Variants in FBN2 observed in about 807,000 individuals in gnomAD.
FBN2 encodes fibrillin-2.
A neutral mutation model predicts 355.6 loss-of-function variants in FBN2; 105 were observed. The ratio of observed to expected loss-of-function variants is 0.30; its 90% confidence interval spans 0.25 to 0.35. The LOEUF (loss-of-function observed/expected upper bound fraction) is 0.35. Ranked by LOEUF, FBN2 falls within the 10% of genes least tolerant of loss-of-function variation. FBN2 has a pLI of 1.00. For synonymous variants in FBN2, 1,350 were observed against 1,301.2 expected (o/e 1.04, Z -0.81); for missense variants, 3,280 against 3,758.7 (o/e 0.87, Z 3.33).
At chr5:128,373,195 C>T (rs1291006649) in intron 15 of FBN2, among the ~76,000 whole-genome samples, 1 of 152,096 alleles carries the variant, frequency 6.6e-6, no homozygotes, top group African/African-American at 2.4e-5. Flanking sequence ...ATGTTGGTTA[C>T]TTAAGAGAAA....
chr5:128,528,879 C>T (rs1476670455), intron 3 of FBN2, among the ~76,000 whole-genome samples: 1 of 152,168 alleles, frequency 6.6e-6, no homozygotes, highest in Non-Finnish European at 1.5e-5. Flanking sequence ...GGATAGCTTA[C>T]ACCACATGGT....
chr5:128,331,209 A>C (rs1337380373), intron 32 of FBN2, among the ~76,000 whole-genome samples: 1 of 152,232 alleles, frequency 6.6e-6, no homozygotes, highest in Non-Finnish European at 1.5e-5. Flanking sequence ...AAAAGTTACA[A>C]GGTGCCATGA....
chr5:128,318,028 G>T, intron 36 of FBN2, 121 bp downstream of exon 36: 1 of 1,038,010 alleles, frequency 9.6e-7, no homozygotes, highest in Non-Finnish European at 1.5e-6. Flanking sequence ...CAATAAAGGC[G>T]ACCACATAAT....
In FBN2 at chr5:128,291,146, G is replaced by A. The variant is rs113745471; in HGVS notation, c.6293-262C>T. On this transcript the variant is annotated intron_variant, in intron 49 of 64. Coordinates refer to ENST00000262464, the MANE Select transcript of FBN2 (RefSeq NM_001999.4). ...AGTATCAAAGTGATTTCCACACAGAGTCTCTTTTTTCACTGTTGCATGATA... is the reference window on the plus strand; with the variant it reads ...AGTATCAAAGTGATTTCCACACAGAATCTCTTTTTTCACTGTTGCATGATA... Among the ~76,000 whole-genome samples the A allele has an allele frequency of 9.2e-5, 14 of 152,194 alleles. No individual in the cohort carries two copies. The East Asian group carries it at 2.7e-3, about 29-fold the overall frequency.
chr5:128,309,441 G>A (rs563793918), intron 40 of FBN2, 42 bp from the exon 41 acceptor site: 14 of 1,579,796 alleles, frequency 8.9e-6, no homozygotes, highest in Admixed American at 3.3e-5. Flanking sequence ...TTGTATCCAC[G>A]AGTAGTTTAT....
In FBN2 at chr5:128,263,553, C is replaced by T. The variant is rs751485739; in HGVS notation, c.8064G>A (p.Gln2688=). 11 of 1,613,990 alleles carry T rather than the reference C, an allele frequency of 6.8e-6. No homozygotes were observed. The highest frequency in any genetic ancestry group is 9.3e-6 in the Non-Finnish European group (11 of 1,180,012). Residue 2688 remains glutamine, a synonymous_variant, in exon 63 of 65, where the codon CAG becomes CAA. Transcript: ENST00000262464. ...CACPSGFSFD[Q]FSSACHDVNE... is the part of the protein sequence containing the mutation. ...TCACGTCGTGGCAGGCACTGGAGAA[C>T]TGGTCGAAGGAGAACCCCGAGGGGC...
rs749467253 is a variant in FBN2, at chr5:128,310,119, C to A, written c.5075-11G>T. 1.9e-6 allele frequency: 3 copies of A among 1,603,266 alleles called. No homozygotes were observed. Among genetic ancestry groups the A allele is most frequent in the East Asian group, 2.2e-5 (1 of 44,784 alleles). ...AACACTCATCAATATCTAGAGTAGG[C>A]AAGAATATCTATTAATTAATAAATC... On this transcript the variant is annotated splice_polypyrimidine_tract_variant and intron_variant, in intron 39 of 64. Coordinates refer to ENST00000262464, the MANE Select transcript of FBN2 (RefSeq NM_001999.4).
At chr5:128,298,783 T>G (rs1260507282) in intron 48 of FBN2, among the ~76,000 whole-genome samples, 3 of 152,204 alleles carry the variant, frequency 2.0e-5, no homozygotes, top group Non-Finnish European at 2.9e-5. Context: ...TTGGTTTGAG[T>G]GTCCTCCCAT....
At chr5:128,338,856 T>C (rs1750914654) in intron 26 of FBN2, 77 bp downstream of exon 26, 1 of 1,497,918 alleles carries the variant, frequency 6.7e-7, no homozygotes, top group African/African-American at 1.4e-5. Flanking sequence ...AGCCCAGAGA[T>C]AAGCAAAGGT....
At chr5:128,385,834 T>C (rs1752352783) in intron 11 of FBN2, among the ~76,000 whole-genome samples, 1 of 152,208 alleles carries the variant, frequency 6.6e-6, no homozygotes, top group Non-Finnish European at 1.5e-5. Context: ...TGCATGTATG[T>C]CTTCTTTAGA....
chr5:128,504,114 T>A lies in FBN2; in HGVS notation c.628+15159A>T, dbSNP rs550211914. On this transcript the variant is annotated intron_variant, in intron 5 of 64. Transcript: ENST00000262464. The stretch of plus-strand genomic sequence containing the variant: ...TTCCACATGGTGTTGGGCCTGTGAG[T>A]GCACAGAAGTCAAGAATTGAGGTTT... 4.6e-5 allele frequency among the ~76,000 whole-genome samples: 7 copies of A among 152,282 alleles called. No homozygotes were observed. In the South Asian group the frequency reaches 1.5e-3, roughly 32 times the overall value.
chr5:128,520,141 G>A (rs965238981), intron 4 of FBN2, among the ~76,000 whole-genome samples: 40 of 152,222 alleles, frequency 2.6e-4, no homozygotes, highest in African/African-American at 8.9e-4. Context: ...TTAGCCTTGT[G>A]ACCTGGGAGA....
chr5:128,392,950 T>A (rs565267676), intron 10 of FBN2, among the ~76,000 whole-genome samples, 185 bp downstream of exon 10: 1 of 152,324 alleles, frequency 6.6e-6, no homozygotes, highest in East Asian at 1.9e-4. Flanking sequence ...CCAAATTTAG[T>A]ATTACTATGT....
intron 34 of FBN2, among the ~76,000 whole-genome samples, chr5:128,326,834 A>G (rs1229492535): frequency 6.6e-6 from 1 of 152,194 alleles, no homozygotes; most frequent in African/African-American, 2.4e-5. Flanking sequence ...GTAATGACAT[A>G]TGAGAAAACT....
intron 5 of FBN2, among the ~76,000 whole-genome samples, chr5:128,516,943 A>C (rs1228725117): frequency 6.6e-6 from 1 of 152,164 alleles, no homozygotes; most frequent in African/African-American, 2.4e-5. Context: ...CAACTTGTTA[A>C]CTCCTTCTTT....
chr5:128,393,837 C>G (rs1752582753), intron 9 of FBN2, among the ~76,000 whole-genome samples: 1 of 151,714 alleles, frequency 6.6e-6, no homozygotes, highest in South Asian at 2.1e-4. Context: ...ATATTTTTTT[C>G]TAACTTGGAT....
chr5:128,300,787 A>C, intron 48 of FBN2, 30 bp downstream of exon 48: 1 of 1,611,126 alleles, frequency 6.2e-7, no homozygotes, highest in Non-Finnish European at 8.5e-7. Flanking sequence ...CTGAACTACT[A>C]GTGGGCCTCA....
At chr5:128,502,419 G>A (rs546150877) in intron 5 of FBN2, among the ~76,000 whole-genome samples, 1 of 152,216 alleles carries the variant, frequency 6.6e-6, no homozygotes, top group Non-Finnish European at 1.5e-5. Context: ...AAGATAATTG[G>A]ATCATATATA....
intron 5 of FBN2, among the ~76,000 whole-genome samples, chr5:128,503,547 T>C (rs1026099865): frequency 1.3e-5 from 2 of 152,194 alleles, no homozygotes; most frequent in African/African-American, 2.4e-5. Context: ...GAGGAACTTG[T>C]TGGGAACTGG....
Sources: gnomAD v4.1 joint callset for allele counts (sites outside exome capture counted in the v4.1 genomes callset) on GRCh38, gnomAD v4.1.1 for gene constraint, MANE v1.5 for transcripts, NCBI Gene and HGNC (gene_info 2026-07-23, HGNC 2026-07-21) for gene names.